Variants in TUBGCP4 observed in about 807,000 individuals in gnomAD.
TUBGCP4 encodes the protein gamma-tubulin complex component 4.
A neutral mutation model predicts 91.6 loss-of-function variants in TUBGCP4; 54 were observed. The observed-to-expected ratio is 0.59, with a 90% CI of 0.47 to 0.74. TUBGCP4 has a LOEUF of 0.74. Ranked by LOEUF, TUBGCP4 falls within the 30% of genes least tolerant of loss-of-function variation. The probability of loss-of-function intolerance (pLI) is 0.00; values close to 1 mark genes in which losing one functional copy is unlikely to be tolerated. For missense variants in TUBGCP4, 593 were observed against 800.9 expected (o/e 0.74, Z 3.13); for synonymous variants, 297 against 302.8 (o/e 0.98, Z 0.20).
rs201809005 is a variant in TUBGCP4, at chr15:43,376,602, G to A, written c.307G>A (p.Ala103Thr). Residue 103 changes from alanine (A) to threonine (T), a missense_variant, in exon 3 of 18, where the codon GCA becomes ACA. Coordinates refer to ENST00000564079, the MANE Select transcript of TUBGCP4 (RefSeq NM_014444.5). ...LDSVLQPYRQALLDLEQEFLG... is the reference protein window; with the variant it reads ...LDSVLQPYRQTLLDLEQEFLG... ...TTCTGTTTTGCAGCCTTATCGCCAA[G>A]CACTGCTTGATTTGGAACAAGAGGT... 1.2e-6 allele frequency: 2 copies of A among 1,614,206 alleles called. No homozygotes were observed. Among genetic ancestry groups the A allele is most frequent in the Admixed American group, 1.7e-5 (1 of 60,026 alleles).
At chr15:43,404,762 CAGTG>C (rs1235726696) in intron 17 of TUBGCP4, 3 of 593,224 alleles carry the variant, frequency 5.1e-6, no homozygotes, top group Non-Finnish European at 8.6e-6. Flanking sequence ...AAAAACCTGA[CAGTG>C]AGATAGGTGT....
intron 9 of TUBGCP4, among the ~76,000 whole-genome samples, chr15:43,392,075 T>TACACACACACACACAC (rs3986231): frequency 2.3e-5 from 3 of 133,184 alleles, no homozygotes; most frequent in African/African-American, 5.5e-5. Context: ...AAAATAGAGA[T>TACACACACACACACAC]ACACACACAC....
chr15:43,401,643 T>A, intron 14 of TUBGCP4, 73 bp from the exon 15 acceptor site: 2 of 1,498,712 alleles, frequency 1.3e-6, no homozygotes, highest in African/African-American at 2.8e-5. Flanking sequence ...TTCATTTCAA[T>A]CTGTCAGGCA....
intron 7 of TUBGCP4, chr15:43,385,493 C>T: frequency 2.1e-6 from 1 of 481,972 alleles, no homozygotes; most frequent in Non-Finnish European, 3.9e-6. Context: ...AAAAGACCAC[C>T]TCTTTCATCG....
chr15:43,401,451 CAAAA>C (rs34185848), intron 14 of TUBGCP4, among the ~76,000 whole-genome samples: 1 of 112,810 alleles, frequency 8.9e-6, no homozygotes, highest in African/African-American at 3.3e-5. Flanking sequence ...GACTCCGTCT[CAAAA>C]AAAAAAAAAG....
In TUBGCP4 at chr15:43,371,491, C is replaced by G. The variant is rs567954846; in HGVS notation, c.78+59C>G. ...GCGCAGGAGGGGGGACCTGAGCCAG[C>G]GCCTGGGGGAGTAGGCTGAGGGACC... is the stretch of plus-strand genomic sequence containing the variant. On this transcript the variant is annotated intron_variant, in intron 1 of 17. Transcript: ENST00000564079. The G allele has an allele frequency of 2.6e-6, 4 of 1,560,788 alleles. No homozygotes were observed. The East Asian group carries it at 9.0e-5, about 35-fold the overall frequency.
intron 13 of TUBGCP4, chr15:43,399,210 C>G: frequency 1.7e-6 from 2 of 1,149,242 alleles, no homozygotes; most frequent in Non-Finnish European, 2.2e-6. Context: ...ATCAGCTGTT[C>G]TTCCCGTGTG....
At position 43,376,519 on chromosome 15, in the gene TUBGCP4, A is replaced by G. The variant is rs1410422257; in HGVS notation, c.224A>G (p.Gln75Arg). ...TGATTTCAGGATCACCATCCATCTC[A>G]ACAGGGCCAAGGTGGGTTACATGGA... ...HVQQQDHHPS[Q>R]QGQGGLHGIY... is the part of the protein sequence containing the mutation. Residue 75 changes from glutamine (Q) to arginine (R), a missense_variant, in exon 3 of 18, where the codon CAA becomes CGA. Physicochemically the swap from Gln to Arg is conservative, Grantham distance 43. Coordinates refer to ENST00000564079, the MANE Select transcript of TUBGCP4 (RefSeq NM_014444.5). The G allele has an allele frequency of 3.7e-6, 6 of 1,614,164 alleles. No individual in the cohort carries two copies. Among genetic ancestry groups the G allele is most frequent in the Non-Finnish European group, 5.1e-6 (6 of 1,180,022 alleles).
In TUBGCP4 at chr15:43,409,311, C is replaced by T. The variant is rs2045033936; in HGVS notation, c.*4097C>T. The T allele has an allele frequency of 1.7e-6, 1 of 595,084 alleles. No individual in the cohort carries two copies. Among genetic ancestry groups the T allele is most frequent in the Non-Finnish European group, 3.0e-6 (1 of 336,326 alleles). The allele number at this position is 595,084 out of a possible 1,614,324, so 36.9% of individuals were successfully genotyped here. A position where few individuals can be genotyped will look rare whatever the true frequency, so the allele number is the denominator to read the frequency against. On this transcript the variant is annotated 3_prime_UTR_variant, in exon 18 of 18. Transcript: ENST00000564079. Reference sequence around the variant, plus strand: ...TGCCTCACCTGCAGCATACTGAGGACCTAAATCCTCAACGGACAACCAAAA... The same window carrying T: ...TGCCTCACCTGCAGCATACTGAGGATCTAAATCCTCAACGGACAACCAAAA...
intron 17 of TUBGCP4, 97 bp from the exon 18 acceptor site, chr15:43,405,105 G>T: frequency 7.2e-7 from 1 of 1,393,748 alleles, no homozygotes; most frequent in South Asian, 1.2e-5. Flanking sequence ...GTTTTAAGAT[G>T]ACATTATTTA....
rs2045028831 is a variant in TUBGCP4, at chr15:43,409,162, A to T, written c.*3948A>T. On this transcript the variant is annotated 3_prime_UTR_variant, in exon 18 of 18. Coordinates refer to ENST00000564079, the MANE Select transcript of TUBGCP4 (RefSeq NM_014444.5). ...TGTGGAAAGCTCCTAAGCAGCAGCC[A>T]TAATGAGCCATGAAGAGCAGATCTG... 2.7e-6 allele frequency: 4 copies of T among 1,468,766 alleles called. No homozygotes were observed. In the East Asian group the frequency reaches 9.1e-5, roughly 33 times the overall value. The allele number at this position is 1,468,766 out of a possible 1,614,324, so 91.0% of individuals were successfully genotyped here.
intron 1 of TUBGCP4, among the ~76,000 whole-genome samples, chr15:43,372,393 G>A (rs2044137598): frequency 6.6e-6 from 1 of 152,112 alleles, no homozygotes; most frequent in Non-Finnish European, 1.5e-5. Context: ...ACATGTATTT[G>A]GAGTTTGGGA....
At chr15:43,400,349 TATA>T (rs2044652930) in intron 14 of TUBGCP4, 128 bp downstream of exon 14, 4 of 615,090 alleles carry the variant, frequency 6.5e-6, no homozygotes, top group Admixed American at 3.0e-5. Flanking sequence ...ATTCAGGAGT[TATA>T]TCACCAAGCA....
At chr15:43,374,717 C>T (rs755020535) in intron 1 of TUBGCP4, among the ~76,000 whole-genome samples, 2 of 152,170 alleles carry the variant, frequency 1.3e-5, no homozygotes, top group East Asian at 1.9e-4. Flanking sequence ...TTTGTACACC[C>T]GTGTTCACCA....
In TUBGCP4 at chr15:43,406,398, C is replaced by G; in HGVS notation, c.*1184C>G. ...CCTGCTATTATCAACTAAAGATCAC[C>G]CTTTCTACTGCTGTCTCTGGAGCAG... On this transcript the variant is annotated 3_prime_UTR_variant, in exon 18 of 18. Transcript: ENST00000564079. The G allele has an allele frequency of 3.0e-6, 1 of 334,108 alleles. No homozygotes were observed. The highest frequency in any genetic ancestry group is 2.5e-5 in the South Asian group (1 of 40,478). 20.7% of individuals were successfully genotyped at this position (334,108 alleles called of 1,614,324 possible).
rs1407341971 is a variant in TUBGCP4, at chr15:43,408,512, T to C, written c.*3298T>C. 2 of 267,754 alleles carry C rather than the reference T, an allele frequency of 7.5e-6. No individual in the cohort carries two copies. The highest frequency in any genetic ancestry group is 1.4e-5 in the Non-Finnish European group (2 of 138,652). The allele number at this position is 267,754 out of a possible 1,614,324, so 16.6% of individuals were successfully genotyped here. Reference sequence around the variant, plus strand: ...CTAAGCCCTATATTAGGGTCCCCCTTCTCTTCCTTCTTTCTATGAATGATC... The same window carrying C: ...CTAAGCCCTATATTAGGGTCCCCCTCCTCTTCCTTCTTTCTATGAATGATC... On this transcript the variant is annotated 3_prime_UTR_variant, in exon 18 of 18. Coordinates refer to ENST00000564079, the MANE Select transcript of TUBGCP4 (RefSeq NM_014444.5).
chr15:43,378,417 T>C (rs1191980430), intron 5 of TUBGCP4, among the ~76,000 whole-genome samples: 1 of 152,240 alleles, frequency 6.6e-6, no homozygotes, highest in Non-Finnish European at 1.5e-5. Context: ...GTCTGAGGAA[T>C]AAATGCTTTG....
chr15:43,376,159 G>A lies in TUBGCP4; in HGVS notation c.140G>A (p.Arg47Gln), dbSNP rs1375575088. ...ACCAGTGTCCTGAATCGACTCTGCC[G>A]GCTCGGCACAGACTATATTCGCTTC... ...SETSVLNRLC[R>Q]LGTDYIRFTE... The change falls in exon 2 of 18, where the codon CGG becomes CAG. Residue 47 changes from arginine (R) to glutamine (Q), a missense_variant. By Grantham distance (43) the Arg-to-Gln change is conservative (BLOSUM62 1). Transcript: ENST00000564079. 3.1e-6 allele frequency: 5 copies of A among 1,613,950 alleles called. No individual in the cohort carries two copies. The highest frequency in any genetic ancestry group is 1.7e-5 in the Admixed American group (1 of 59,986).
Position 43,397,916 on chromosome 15 carries a change from T to C in TUBGCP4, c.1280-125T>C, listed in dbSNP as rs548004765. On this transcript the variant is annotated intron_variant, in intron 12 of 17. Transcript: ENST00000564079. ...TAGTAGAGATGGGGTTTCACTGTAT[T>C]GCCCAGACTGGTCTTGAACTCCTGT... is the stretch of plus-strand genomic sequence containing the variant. The C allele has an allele frequency of 3.5e-3, 3,263 of 942,782 alleles. 14 individuals are homozygous for C. The highest frequency in any genetic ancestry group is 4.7e-3 in the Non-Finnish European group (3,018 of 642,766). The allele number at this position is 942,782 out of a possible 1,614,324, so 58.4% of individuals were successfully genotyped here.
Sources: allele counts gnomAD v4.1 joint callset (sites outside exome capture counted in the v4.1 genomes callset), GRCh38; gene constraint gnomAD v4.1.1; transcripts MANE v1.5; gene names NCBI Gene and HGNC (gene_info 2026-07-23, HGNC 2026-07-21).